Variants in NIPAL3 observed in about 807,000 individuals in gnomAD.
The protein encoded by NIPAL3 is NIPA-like protein 3.
In NIPAL3, 41 loss-of-function variants were observed where a neutral mutation model predicts 47.2. That is an observed-to-expected ratio of 0.87 (90% CI 0.68 to 1.13). The LOEUF (loss-of-function observed/expected upper bound fraction) is 1.13. Ranked by LOEUF, NIPAL3 falls within the 50% of genes most tolerant of loss-of-function variation. NIPAL3 has a pLI of 0.00. For missense variants in NIPAL3, 449 were observed against 530.1 expected (o/e 0.85, Z 1.50); for synonymous variants, 194 against 209.6 (o/e 0.93, Z 0.64).
In NIPAL3 at chr1:24,446,069, CG is replaced by C. The variant is rs1177610164; in HGVS notation, c.394+826del. ...GGCTTCTGCTCACAGAGATTATAGT[CG>C]TGTGTGTGTGTGTGTGTGTGTGTGT... On this transcript the variant is annotated intron_variant, in intron 5 of 11. Coordinates refer to ENST00000374399, the MANE Select transcript of NIPAL3 (RefSeq NM_020448.5). Among the ~76,000 whole-genome samples, 159 of 147,786 alleles carry C rather than the reference CG, an allele frequency of 1.1e-3. 1 individual carries two copies. Among genetic ancestry groups the C allele is most frequent in the African/African-American group, 3.4e-3 (136 of 40,386 alleles).
Position 24,445,267 on chromosome 1 carries a change from T to G in NIPAL3, c.394+23T>G, listed in dbSNP as rs367712413. On this transcript the variant is annotated intron_variant, in intron 5 of 11. Transcript: ENST00000374399. ...TGAGTAAGTTCAGTGATTTGAGCTG[T>G]GTCCTTGATTTTATATGAACGCTTT... 9 of 1,553,182 alleles carry G rather than the reference T, an allele frequency of 5.8e-6. No individual in the cohort carries two copies. The African/African-American group carries it at 1.2e-4, about 21-fold the overall frequency.
chr1:24,455,895 A>AG, intron 7 of NIPAL3, among the ~76,000 whole-genome samples: 1 of 152,234 alleles, frequency 6.6e-6, no homozygotes, highest in Admixed American at 6.5e-5. Context: ...GATTACCTTC[A>AG]GGGGGTTGGC....
Position 24,438,530 on chromosome 1 carries a change from C to G in NIPAL3, c.94-1642C>G, listed in dbSNP as rs755789394. ...GACCTGCCCTCAGCTCTCTAAGCCC[C>G]GCGATCTAGGAGAGGGCAGGGGGGA... On this transcript the variant is annotated intron_variant, in intron 2 of 11. Coordinates refer to ENST00000374399, the MANE Select transcript of NIPAL3 (RefSeq NM_020448.5). Among the ~76,000 whole-genome samples, 5 of 152,202 alleles carry G rather than the reference C, an allele frequency of 3.3e-5. No individual in the cohort carries two copies. The East Asian group carries it at 5.8e-4, about 18-fold the overall frequency.
In NIPAL3 at chr1:24,454,997, C is replaced by T. The variant is rs1415920834; in HGVS notation, c.638-1141C>T. Among the ~76,000 whole-genome samples the T allele has an allele frequency of 6.6e-6, 1 of 152,222 alleles. No homozygotes were observed. The highest frequency in any genetic ancestry group is 6.5e-5 in the Admixed American group (1 of 15,284). On this transcript the variant is annotated intron_variant, in intron 7 of 11. Coordinates refer to ENST00000374399, the MANE Select transcript of NIPAL3 (RefSeq NM_020448.5). The surrounding 1 kb of genome is among the most constrained non-coding windows in gnomAD (Gnocchi z 4.1). The stretch of plus-strand genomic sequence containing the variant: ...GGCCAGAAGGTTCTGAGGCCATTGG[C>T]CAATCCCCTTCTGACTAAGAAGGAC...
Position 24,449,649 on chromosome 1 carries a change from C to G in NIPAL3, c.540+23C>G. The G allele has an allele frequency of 6.2e-7, 1 of 1,604,414 alleles. No individual in the cohort carries two copies. Among genetic ancestry groups the G allele is most frequent in the Non-Finnish European group, 8.5e-7 (1 of 1,174,698 alleles). ...ATGGTAAGAGAAGCCTCCAGTCGTTCCCCCTGAGATGGCAGGAGGGAGATC... is the reference window on the plus strand; with the variant it reads ...ATGGTAAGAGAAGCCTCCAGTCGTTGCCCCTGAGATGGCAGGAGGGAGATC... On this transcript the variant is annotated intron_variant, in intron 6 of 11. Coordinates refer to ENST00000374399, the MANE Select transcript of NIPAL3 (RefSeq NM_020448.5). This position sits in a 1 kb window ranked among gnomAD's most constrained non-coding sequence, Gnocchi z 4.5.
intron 2 of NIPAL3, among the ~76,000 whole-genome samples, chr1:24,434,070 C>A (rs938968513): frequency 3.3e-5 from 5 of 151,902 alleles, no homozygotes; most frequent in African/African-American, 7.3e-5. Flanking sequence ...AAACAAATGG[C>A]AAAATGACAG....
chr1:24,429,926 T>C (rs982852799), intron 2 of NIPAL3, among the ~76,000 whole-genome samples: 6 of 152,196 alleles, frequency 3.9e-5, no homozygotes, highest in Non-Finnish European at 8.8e-5. Context: ...TTTCCTTGGA[T>C]ATGAGGTTCA....
intron 8 of NIPAL3, chr1:24,457,686 C>G: frequency 3.9e-6 from 2 of 518,712 alleles, no homozygotes; most frequent in Non-Finnish European, 7.9e-6. Context: ...AGGTGTCTGG[C>G]TCCCCAGCCC....
chr1:24,443,038 A>C (rs1377002542), intron 4 of NIPAL3, among the ~76,000 whole-genome samples: 1 of 152,182 alleles, frequency 6.6e-6, no homozygotes, highest in Non-Finnish European at 1.5e-5. Context: ...TCTTGAGCTC[A>C]AACTATCTGC....
At chr1:24,461,474 G>A (rs1390650119) in intron 10 of NIPAL3, among the ~76,000 whole-genome samples, 13 of 151,030 alleles carry the variant, frequency 8.6e-5, no homozygotes, top group African/African-American at 2.2e-4. Flanking sequence ...CCCGGGAGGC[G>A]GAGGTTGTGG....
intron 4 of NIPAL3, 147 bp from the exon 5 acceptor site, chr1:24,445,038 A>C: frequency 1.7e-6 from 1 of 580,282 alleles, no homozygotes; most frequent in Non-Finnish European, 3.1e-6. Flanking sequence ...ATGGAATCAC[A>C]CAGGAACCAA....
At chr1:24,428,310 A>AGAGAGAG (rs2148769760) in intron 2 of NIPAL3, among the ~76,000 whole-genome samples, 1 of 97,002 alleles carries the variant, frequency 1.0e-5, no homozygotes, top group East Asian at 3.3e-4. Context: ...GAGACACCAG[A>AGAGAGAG]ACCTTTCCCC....
intron 4 of NIPAL3, among the ~76,000 whole-genome samples, chr1:24,444,534 A>G (rs1179498781): frequency 3.3e-5 from 5 of 152,172 alleles, no homozygotes; most frequent in African/African-American, 7.2e-5. Context: ...TGGATCTAAC[A>G]CCGTATTTCA....
intron 2 of NIPAL3, among the ~76,000 whole-genome samples, chr1:24,428,294 GA>G (rs1644716392): frequency 7.3e-6 from 1 of 137,094 alleles, no homozygotes; most frequent in African/African-American, 2.6e-5. Flanking sequence ...GAGAGAGAGA[GA>G]GAGAGAGACA....
intron 2 of NIPAL3, among the ~76,000 whole-genome samples, chr1:24,436,791 G>A (rs61773967): frequency 0.43 from 64,701 of 151,380 alleles, 15,064 homozygotes; most frequent in African/African-American, 0.63. Context: ...GAGCCACCGC[G>A]CCCAGCCTTT....
chr1:24,456,596 C>A (rs1394302513), intron 8 of NIPAL3, among the ~76,000 whole-genome samples: 1 of 151,928 alleles, frequency 6.6e-6, no homozygotes, highest in Non-Finnish European at 1.5e-5. Flanking sequence ...ACTAAAAATA[C>A]AAAAAAATAA....
intron 3 of NIPAL3, among the ~76,000 whole-genome samples, chr1:24,441,512 G>T (rs1220510515): frequency 6.6e-6 from 1 of 152,092 alleles, no homozygotes; most frequent in Non-Finnish European, 1.5e-5. Flanking sequence ...TATTGACCAT[G>T]CTTGAGCCAC....
chr1:24,461,489 C>T (rs195721), intron 10 of NIPAL3, among the ~76,000 whole-genome samples: 47,390 of 149,532 alleles, frequency 0.32, 7,710 homozygotes, highest in Non-Finnish European at 0.36. Flanking sequence ...TTGTGGTGAC[C>T]CGAGATTGCG....
chr1:24,425,521 G>T (rs1042662227), intron 2 of NIPAL3, among the ~76,000 whole-genome samples: 7 of 152,126 alleles, frequency 4.6e-5, no homozygotes, highest in African/African-American at 1.4e-4. Context: ...CCTCAAGACA[G>T]AATTCGACAC....
Sources: allele counts gnomAD v4.1 joint callset (sites outside exome capture counted in the v4.1 genomes callset), GRCh38; gene constraint gnomAD v4.1.1; non-coding constraint Gnocchi (gnomAD v3.1); transcripts MANE v1.5; gene names NCBI Gene and HGNC (gene_info 2026-07-23, HGNC 2026-07-21).